The following CACNA1H variants were observed in gnomAD, a reference collection of about 807,000 sequenced individuals.
The protein encoded by CACNA1H is calcium voltage-gated channel subunit alpha1 H.
Under a neutral mutation model 192.5 loss-of-function variants are expected in CACNA1H, and 149 were observed. That is an observed-to-expected ratio of 0.77 (90% CI 0.68 to 0.89). CACNA1H has a LOEUF of 0.89. Ranked by LOEUF, CACNA1H falls within the 40% of genes least tolerant of loss-of-function variation. The pLI, the probability that CACNA1H is intolerant of heterozygous loss-of-function variation, is 0.00. For synonymous variants in CACNA1H, 2,202 were observed against 1,475.2 expected (o/e 1.49, Z -11.29); for missense variants, 4,257 against 3,423.5 (o/e 1.24, Z -6.08).
chr16:1,204,574 G>A, intron 10 of CACNA1H, 116 bp downstream of exon 10: 1 of 811,680 alleles, frequency 1.2e-6, no homozygotes, highest in East Asian at 2.7e-5. Context: ...GGTCAGGCAG[G>A]GCTCTAGAAA....
Position 1,207,316 on chromosome 16 carries a change from C to T in CACNA1H, c.2949C>T (p.Gly983=). ...ACTGGAACGTGGTCCTGTACAACGG[C>T]ATGGCCTCCACCTCCTCCTGGGCCG... ...QEDWNVVLYN[G]MASTSSWAAL... Residue 983 remains glycine, a synonymous_variant, in exon 14 of 35, where the codon GGC becomes GGT. Transcript: ENST00000348261. The T allele has an allele frequency of 6.2e-7, 1 of 1,611,030 alleles. No homozygotes were observed. The highest frequency in any genetic ancestry group is 8.5e-7 in the Non-Finnish European group (1 of 1,178,824).
At chr16:1,206,454 G>A (rs568772394) in intron 12 of CACNA1H, 165 bp downstream of exon 12, 4 of 650,856 alleles carry the variant, frequency 6.1e-6, no homozygotes, top group South Asian at 4.0e-5. Flanking sequence ...GCACTGATTG[G>A]GCCCCTACTG....
At position 1,195,078 on chromosome 16, in the gene CACNA1H, C is replaced by A. The variant is rs752103710; in HGVS notation, c.406C>A (p.Leu136Met). The A allele has an allele frequency of 1.4e-6, 2 of 1,444,342 alleles. No homozygotes were observed. The highest frequency in any genetic ancestry group is 3.3e-5 in the East Asian group (1 of 30,050). The allele number at this position is 1,444,342 out of a possible 1,614,324, so 89.5% of individuals were successfully genotyped here. A position where few individuals can be genotyped will look rare whatever the true frequency, so the allele number is the denominator to read the frequency against. Residue 136 changes from leucine (L) to methionine (M), a missense_variant, in exon 3 of 35, where the codon CTG (leucine) becomes ATG (methionine). Coordinates refer to ENST00000348261, the MANE Select transcript of CACNA1H (RefSeq NM_021098.3). ...GTGCGGCTCCGAGCGCTGCAACATCCTGGAGGTGAGGGGCGTGGGTCGGGG... is the reference window on the plus strand; with the variant it reads ...GTGCGGCTCCGAGCGCTGCAACATCATGGAGGTGAGGGGCGTGGGTCGGGG... ...VECGSERCNI[L>M]EAFDAFIFAF... is the part of the protein sequence containing the mutation.
intron 2 of CACNA1H, among the ~76,000 whole-genome samples, chr16:1,173,693 G>A (rs969006560): frequency 1.8e-4 from 28 of 152,356 alleles, no homozygotes; most frequent in Admixed American, 6.5e-4. Context: ...GGAGGGGTGA[G>A]GGAAGGAGGG....
At chr16:1,192,345 C>T (rs1292253586) in intron 2 of CACNA1H, among the ~76,000 whole-genome samples, 6 of 141,230 alleles carry the variant, frequency 4.2e-5, no homozygotes, top group African/African-American at 1.5e-4. Context: ...CCACCCACCC[C>T]TGCCAGCCCC....
chr16:1,192,770 G>T (rs1219108442), intron 2 of CACNA1H, among the ~76,000 whole-genome samples: 1 of 152,200 alleles, frequency 6.6e-6, no homozygotes, highest in Non-Finnish European at 1.5e-5. Flanking sequence ...AGGCCTGGGA[G>T]AAATCGGGCA....
chr16:1,173,460 C>G (rs917808438), intron 2 of CACNA1H, among the ~76,000 whole-genome samples: 1 of 152,256 alleles, frequency 6.6e-6, no homozygotes, highest in Non-Finnish European at 1.5e-5. Flanking sequence ...TGGGTTCTCT[C>G]TCTCGCTATT....
rs1325126326 is a variant in CACNA1H, at chr16:1,218,968, A to G, written c.5888-2A>G. The G allele has an allele frequency of 1.2e-5, 18 of 1,549,986 alleles. No individual in the cohort carries two copies. Among genetic ancestry groups the G allele is most frequent in the Non-Finnish European group, 1.5e-5 (17 of 1,146,864 alleles). ...GCCAGCTTAGATTCTTCCCTGCCCC[A>G]GGCTCCGTTGCCTCTGTGCACTCTC... On this transcript the variant is annotated splice_acceptor_variant, in intron 33 of 34. Coordinates refer to ENST00000348261, the MANE Select transcript of CACNA1H (RefSeq NM_021098.3). LOFTEE classifies it high-confidence loss of function.
chr16:1,179,627 T>G (rs904054172), intron 2 of CACNA1H, among the ~76,000 whole-genome samples: 1 of 151,142 alleles, frequency 6.6e-6, no homozygotes, highest in Non-Finnish European at 1.5e-5. Context: ...CGGGATTTTA[T>G]CATGTTGGCC....
chr16:1,158,569 G>A (rs982490999), intron 2 of CACNA1H, among the ~76,000 whole-genome samples: 1 of 152,222 alleles, frequency 6.6e-6, no homozygotes, highest in East Asian at 1.9e-4. Flanking sequence ...CGTGACGCCA[G>A]CAGGCTGAGC....
At chr16:1,183,417 C>G (rs1032413239) in intron 2 of CACNA1H, among the ~76,000 whole-genome samples, 6 of 152,194 alleles carry the variant, frequency 3.9e-5, no homozygotes, top group East Asian at 3.9e-4. Flanking sequence ...CCCCTCCCCC[C>G]AGCCCTGACC....
At chr16:1,199,556 A>C (rs1967518509) in intron 6 of CACNA1H, among the ~76,000 whole-genome samples, 2 of 149,954 alleles carry the variant, frequency 1.3e-5, no homozygotes, top group African/African-American at 2.5e-5. Flanking sequence ...GTTAGTCCCA[A>C]CACTTCATCC....
At chr16:1,210,300 C>A in intron 18 of CACNA1H, 70 bp from the exon 19 acceptor site, 1 of 1,387,318 alleles carries the variant, frequency 7.2e-7, no homozygotes, top group Non-Finnish European at 9.9e-7. Context: ...CCAGGGCTGT[C>A]CTGCAACCCC....
At chr16:1,187,968 G>C (rs965150518) in intron 2 of CACNA1H, among the ~76,000 whole-genome samples, 1 of 152,216 alleles carries the variant, frequency 6.6e-6, no homozygotes, top group Admixed American at 6.5e-5. Context: ...GAGCCAGGCC[G>C]AGCCGTGTCA....
chr16:1,184,502 A>G (rs1339304562), intron 2 of CACNA1H, among the ~76,000 whole-genome samples: 1 of 152,156 alleles, frequency 6.6e-6, no homozygotes, highest in Non-Finnish European at 1.5e-5. Context: ...CCCGGCCCTC[A>G]CCCTCATCCT....
intron 6 of CACNA1H, 81 bp downstream of exon 6, chr16:1,198,855 G>C (rs1001997510): frequency 7.3e-7 from 1 of 1,361,124 alleles, no homozygotes; most frequent in Non-Finnish European, 1.0e-6. Context: ...TGGCTCCACC[G>C]CCCCACGTGG....
At chr16:1,190,173 T>C (rs1966472129) in intron 2 of CACNA1H, among the ~76,000 whole-genome samples, 1 of 152,244 alleles carries the variant, frequency 6.6e-6, no homozygotes, top group South Asian at 2.1e-4. Context: ...TCCCTGACCG[T>C]TCTGCCGCCC....
At chr16:1,214,362 G>C (rs1054677646) in intron 27 of CACNA1H, among the ~76,000 whole-genome samples, 2 of 152,258 alleles carry the variant, frequency 1.3e-5, no homozygotes, top group Non-Finnish European at 2.9e-5. Context: ...GTAGCAGTAA[G>C]CTTTTGAGGC....
Position 1,201,686 on chromosome 16 carries a change from C to T in CACNA1H, c.1236C>T (p.Asn412=), listed in dbSNP as rs59696308. 1,838 of 1,605,180 alleles carry T rather than the reference C, an allele frequency of 1.1e-3. 9 individuals are homozygous for T. The African/African-American group carries it at 0.012, about 10-fold the overall frequency. The part of the protein sequence containing the change: ...LIIVGSFFMI[N]LCLVVIATQF... ...AGGTGGGCTCCTTCTTCATGATCAA[C>T]CTGTGCCTGGTGGTGATTGCCACGC... The change falls in exon 9 of 35, where the codon AAC becomes AAT. Residue 412 remains asparagine (N), a synonymous_variant. Transcript: ENST00000348261.
Sources: allele counts gnomAD v4.1 joint callset (sites outside exome capture counted in the v4.1 genomes callset), GRCh38; gene constraint gnomAD v4.1.1; transcripts MANE v1.5; gene names NCBI Gene and HGNC (gene_info 2026-07-23, HGNC 2026-07-21).